DHX9: variants seen among roughly 807,000 people sequenced by gnomAD.
DHX9 encodes ATP-dependent RNA helicase A.
DHX9 carries 27 observed loss-of-function variants against 148.7 expected under a neutral mutation model. The ratio of observed to expected loss-of-function variants is 0.18; its 90% CI spans 0.13 to 0.25. The LOEUF (loss-of-function observed/expected upper bound fraction) is 0.25, where lower values mean the gene tolerates loss of function less well. Ranked by LOEUF, DHX9 falls within the 10% of genes least tolerant of loss-of-function variation. The pLI, the probability that DHX9 is intolerant of heterozygous loss-of-function variation, is 1.00. For missense variants in DHX9, 796 were observed against 1,559.6 expected, an observed-to-expected ratio of 0.51 and a Z score of 8.25; for synonymous variants, 529 against 516.6, an observed-to-expected ratio of 1.02 and a Z score of -0.33.
chr1:182,872,201 C>T, intron 14 of DHX9, 136 bp from the exon 15 acceptor site: 1 of 676,160 alleles, frequency 1.5e-6, no homozygotes, highest in South Asian at 2.1e-5. Flanking sequence ...CATTGTGGTC[C>T]TTTATCTTGG....
At chr1:182,848,301 T>A (rs1036057147) in intron 3 of DHX9, among the ~76,000 whole-genome samples, 11 of 152,210 alleles carry the variant, frequency 7.2e-5, no homozygotes, top group Admixed American at 3.3e-4. Flanking sequence ...TGGAGATATT[T>A]TTGTTGTTGT....
At chr1:182,879,541 G>A (rs1648986802) in intron 21 of DHX9, 131 bp downstream of exon 21, 1 of 778,540 alleles carries the variant, frequency 1.3e-6, no homozygotes, top group Non-Finnish European at 1.8e-6. Context: ...TAATAGTAAG[G>A]CCTCCAGTCT....
At position 182,870,156 on chromosome 1, in the gene DHX9, C is replaced by T. The variant is rs1023027324; in HGVS notation, c.1558-2181C>T. Reference sequence around the variant, plus strand: ...TAAACAAAAACATGCAAGATCTCTCCAAGAAAAATAAGTTTTATCACAAAA... The same window carrying T: ...TAAACAAAAACATGCAAGATCTCTCTAAGAAAAATAAGTTTTATCACAAAA... On this transcript the variant is annotated intron_variant, in intron 14 of 27. Transcript: ENST00000367549. Among the ~76,000 whole-genome samples the T allele has an allele frequency of 7.2e-5, 11 of 152,162 alleles. No homozygotes were observed. In the East Asian group the frequency reaches 1.9e-3, roughly 27 times the overall value.
At chr1:182,845,722 G>A (rs1027533045) in intron 3 of DHX9, among the ~76,000 whole-genome samples, 1 of 152,160 alleles carries the variant, frequency 6.6e-6, no homozygotes, top group African/African-American at 2.4e-5. Context: ...TCAAGTTATG[G>A]TTTTCATGAC....
intron 13 of DHX9, 114 bp downstream of exon 13, chr1:182,866,699 T>C: frequency 7.4e-7 from 1 of 1,343,992 alleles, no homozygotes; most frequent in South Asian, 1.5e-5. Flanking sequence ...AGATTTCTTG[T>C]TTAAATAAAA....
chr1:182,849,507 T>C (rs927819822), intron 3 of DHX9, among the ~76,000 whole-genome samples: 2 of 152,214 alleles, frequency 1.3e-5, no homozygotes, highest in Non-Finnish European at 2.9e-5. Context: ...GATTTGGTAA[T>C]GTCTGGAGAT....
intron 7 of DHX9, 97 bp from the exon 8 acceptor site, chr1:182,858,007 G>A (rs1250159158): frequency 1.7e-5 from 22 of 1,278,484 alleles, no homozygotes; most frequent in Non-Finnish European, 2.4e-5. Flanking sequence ...TGTATTTTAG[G>A]GCTTCTTGTG....
intron 15 of DHX9, among the ~76,000 whole-genome samples, chr1:182,874,320 AATATG>A (rs1437966546): frequency 1.3e-5 from 2 of 152,196 alleles, no homozygotes; most frequent in African/African-American, 4.8e-5. Flanking sequence ...ATATGCCCTT[AATATG>A]ATGTGATGAG....
At chr1:182,845,827 A>G (rs1668017869) in intron 3 of DHX9, among the ~76,000 whole-genome samples, 2 of 152,332 alleles carry the variant, frequency 1.3e-5, no homozygotes, top group South Asian at 4.1e-4. Flanking sequence ...TACAAAATAC[A>G]GTTGGTGAAA....
intron 14 of DHX9, among the ~76,000 whole-genome samples, chr1:182,871,534 A>G (rs1648553219): frequency 6.6e-6 from 1 of 152,236 alleles, no homozygotes; most frequent in Non-Finnish European, 1.5e-5. Context: ...TTTAACCTAC[A>G]GAAACTTGGA....
In DHX9 at chr1:182,878,183, A is replaced by G. The variant is rs1373267744; in HGVS notation, c.2351+10A>G. On this transcript the variant is annotated intron_variant, in intron 20 of 27. Transcript: ENST00000367549. ...GAGCTCGTTTTGAGAGGTAAGACCC[A>G]TTCTTGACCTTTAGTAAGGGATTTT... 2 of 1,613,606 alleles carry G rather than the reference A, an allele frequency of 1.2e-6. No homozygotes were observed. Among genetic ancestry groups the G allele is most frequent in the Non-Finnish European group, 8.5e-7 (1 of 1,179,836 alleles).
At chr1:182,879,557 T>C in intron 21 of DHX9, 147 bp downstream of exon 21, 1 of 619,472 alleles carries the variant, frequency 1.6e-6, no homozygotes, top group Non-Finnish European at 2.4e-6. Context: ...AGTCTTACCT[T>C]AGATAGTTAG....
intron 6 of DHX9, among the ~76,000 whole-genome samples, chr1:182,855,998 C>G (rs867885785): frequency 6.6e-6 from 1 of 152,216 alleles, no homozygotes; most frequent in South Asian, 2.1e-4. Flanking sequence ...TCATCCAGGG[C>G]TGCTTCCAAC....
chr1:182,845,440 AAAC>A (rs1668011516), intron 3 of DHX9, among the ~76,000 whole-genome samples: 1 of 151,980 alleles, frequency 6.6e-6, no homozygotes, highest in African/African-American at 2.4e-5. Flanking sequence ...AAAAAAAAAA[AAAC>A]AATTTTCCTC....
chr1:182,861,125 A>G (rs993396714), intron 12 of DHX9, among the ~76,000 whole-genome samples: 1 of 152,154 alleles, frequency 6.6e-6, no homozygotes, highest in South Asian at 2.1e-4. Context: ...CATTTTTATA[A>G]TTAGTATATT....
chr1:182,841,586 T>G (rs907668396), intron 1 of DHX9, among the ~76,000 whole-genome samples: 1 of 152,208 alleles, frequency 6.6e-6, no homozygotes, highest in Non-Finnish European at 1.5e-5. Context: ...CGTAACAAAT[T>G]TATGCTAGGG....
At chr1:182,866,144 C>T (rs370306599) in intron 12 of DHX9, among the ~76,000 whole-genome samples, 2 of 152,272 alleles carry the variant, frequency 1.3e-5, no homozygotes, top group Non-Finnish European at 2.9e-5. Flanking sequence ...GTGTGGCGAT[C>T]GGTTACAAAA....
At chr1:182,879,472 C>T (rs1648983322) in intron 21 of DHX9, 62 bp downstream of exon 21, 1 of 1,329,568 alleles carries the variant, frequency 7.5e-7, no homozygotes, top group African/African-American at 1.5e-5. Context: ...CTTGTTCTGG[C>T]AGATAACACT....
At position 182,879,343 on chromosome 1, in the gene DHX9, A is replaced by C. The variant is rs375732200; in HGVS notation, c.2445A>C (p.Gln815His). 1.3e-6 allele frequency: 2 copies of C among 1,547,244 alleles called. No individual in the cohort carries two copies. Among genetic ancestry groups the C allele is most frequent in the Non-Finnish European group, 1.8e-6 (2 of 1,131,186 alleles). Residue 815 changes from glutamine (Q) to histidine (H), a missense_variant, in exon 21 of 28, where the codon CAA (glutamine) becomes CAC (histidine). Transcript: ENST00000367549. ...IKLLRLGGIG[Q>H]FLAKAIEPPP... ...TTCTGCGTCTAGGAGGAATTGGCCA[A>C]TTTCTGGCCAAAGCAATTGAACCTC...
Sources: gnomAD v4.1 joint callset for allele counts (sites outside exome capture counted in the v4.1 genomes callset) on GRCh38, gnomAD v4.1.1 for gene constraint, MANE v1.5 for transcripts, NCBI Gene and HGNC (gene_info 2026-07-23, HGNC 2026-07-21) for gene names.